Variants in LYZL6 observed in about 807,000 individuals in gnomAD.
LYZL6 encodes the protein lysozyme like 6, also known as lysozyme-like protein 6.
Under a neutral mutation model 15.0 loss-of-function variants are expected in LYZL6, and 21 were observed. That is an observed-to-expected ratio of 1.40 (90% CI 1.00 to 2.02). The LOEUF (loss-of-function observed/expected upper bound fraction) is 2.02. Among genes scored for constraint, LYZL6 ranks in the 30% most tolerant of loss-of-function variants. The pLI is 0.00. For missense variants in LYZL6, 173 were observed against 180.5 expected, an observed-to-expected ratio of 0.96 and a Z score of 0.24; for synonymous variants, 72 against 67.8, an observed-to-expected ratio of 1.06 and a Z score of -0.31.
rs1785725126 is a variant in LYZL6 at position 35,934,535 on chromosome 17, T to C, written c.*261A>G. The stretch of plus-strand genomic sequence containing the variant: ...ACACAGTCTTTGCAGAGCGAGTGCT[T>C]TAATATTTCGATAAATATAAAGATT... On this transcript the variant is annotated 3_prime_UTR_variant, in exon 5 of 5. Transcript: ENST00000615905. 2.1e-6 allele frequency: 1 copy of C among 484,730 alleles called. No individual in the cohort carries two copies. The allele number at this position is 484,730 out of a possible 1,614,324, so 30.0% of individuals were successfully genotyped here.
At chr17:35,941,456 G>T (rs11080365) in intron 1 of LYZL6, among the ~76,000 whole-genome samples, 16,169 of 151,856 alleles carry the variant, frequency 0.11, 994 homozygotes, top group East Asian at 0.26. Context: ...CTTTCTTGGT[G>T]GTGTTCTTTG....
intron 1 of LYZL6, among the ~76,000 whole-genome samples, chr17:35,941,426 AT>A (rs934186247): frequency 6.6e-6 from 1 of 151,404 alleles, no homozygotes; most frequent in African/African-American, 2.4e-5. Context: ...TTTTTTTCCC[AT>A]TCTGTGGGTT....
intron 1 of LYZL6, among the ~76,000 whole-genome samples, chr17:35,939,778 G>A (rs1015496244): frequency 1.2e-4 from 19 of 152,244 alleles, no homozygotes; most frequent in Admixed American, 6.5e-5. Flanking sequence ...GATTACAGGT[G>A]TGAGCCACCA....
intron 4 of LYZL6, 22 bp from the exon 5 acceptor site, chr17:35,934,887 T>C (rs774615744): frequency 1.2e-6 from 2 of 1,613,334 alleles, no homozygotes; most frequent in Admixed American, 1.7e-5. Flanking sequence ...AAAGACATGG[T>C]TCTTGCCTCA....
intron 2 of LYZL6, among the ~76,000 whole-genome samples, chr17:35,938,527 A>T (rs1249104841): frequency 6.6e-6 from 1 of 151,196 alleles, no homozygotes; most frequent in Non-Finnish European, 1.5e-5. Flanking sequence ...CTGAGGCAGG[A>T]GAATGGTGTG....
At position 35,939,573 on chromosome 17, in the gene LYZL6, A is replaced by G. The variant is rs1014920315; in HGVS notation, c.-202-15T>C. The G allele has an allele frequency of 6.7e-5, 28 of 420,048 alleles. No homozygotes were observed. The highest frequency in any genetic ancestry group is 3.4e-4 in the Admixed American group (9 of 26,572). 26.0% of individuals were successfully genotyped at this position (420,048 alleles called of 1,614,324 possible). On this transcript the variant is annotated splice_polypyrimidine_tract_variant and intron_variant, in intron 1 of 4. Transcript: ENST00000615905. ...GAAAATTAAACCTTTAAAAAAGGAA[A>G]GAGAATAGTATCATGAACCTCCATA... is the stretch of plus-strand genomic sequence containing the variant.
rs2089376593 is a variant in LYZL6, at chr17:35,936,747, C to T, written c.377+8G>A. ...TCTGCCCGCTGAGTCCCACCGTGTC[C>T]TCCTCACCAGTTGTTCATCCCCCGT... On this transcript the variant is annotated splice_region_variant and intron_variant, in intron 4 of 4. Transcript: ENST00000615905. The T allele has an allele frequency of 4.3e-6, 7 of 1,612,796 alleles. No homozygotes were observed. The highest frequency in any genetic ancestry group is 5.9e-6 in the Non-Finnish European group (7 of 1,179,696).
At chr17:35,937,202 C>G (rs576958300) in intron 3 of LYZL6, among the ~76,000 whole-genome samples, 2 of 152,306 alleles carry the variant, frequency 1.3e-5, no homozygotes, top group East Asian at 3.9e-4. Context: ...CGAGGGACAT[C>G]GGTCAGTGTG....
chr17:35,938,348 G>A (rs753122360), intron 2 of LYZL6, among the ~76,000 whole-genome samples: 3 of 152,098 alleles, frequency 2.0e-5, no homozygotes, highest in African/African-American at 2.4e-5. Flanking sequence ...TGCCGGGCGC[G>A]GTGGCTTATG....
At chr17:35,939,047 A>C (rs966027778) in intron 2 of LYZL6, among the ~76,000 whole-genome samples, 171 bp downstream of exon 2, 8 of 152,230 alleles carry the variant, frequency 5.3e-5, no homozygotes, top group Non-Finnish European at 1.0e-4. Flanking sequence ...TTGGTACATA[A>C]TAAGTGCTCA....
At chr17:35,936,620 C>T in intron 4 of LYZL6, 135 bp downstream of exon 4, 1 of 696,846 alleles carries the variant, frequency 1.4e-6, no homozygotes, top group Non-Finnish European at 2.5e-6. Context: ...TCTCAGAGTT[C>T]CAAGCCCGTC....
At chr17:35,941,118 T>G (rs1186483430) in intron 1 of LYZL6, among the ~76,000 whole-genome samples, 1 of 152,210 alleles carries the variant, frequency 6.6e-6, no homozygotes, top group African/African-American at 2.4e-5. Context: ...CCATCAGCAG[T>G]GTATGAAGGT....
At position 35,940,899 on chromosome 17, in the gene LYZL6, C is replaced by T. The variant is rs115463027; in HGVS notation, c.-202-1341G>A. Among the ~76,000 whole-genome samples, 272 of 152,306 alleles carry T rather than the reference C, an allele frequency of 1.8e-3. 2 individuals carry two copies. The highest frequency in any genetic ancestry group is 6.4e-3 in the African/African-American group (264 of 41,566). On this transcript the variant is annotated intron_variant, in intron 1 of 4. Transcript: ENST00000615905. ...TTCATTGTATGAATACACCATACTT[C>T]GTCTATCCATTCATTAGTTGATGGA...
At position 35,939,473 on chromosome 17, in the gene LYZL6, CA is replaced by C; in HGVS notation, c.-118del. The C allele has an allele frequency of 1.1e-6, 1 of 928,240 alleles. No homozygotes were observed. The highest frequency in any genetic ancestry group is 1.6e-6 in the Non-Finnish European group (1 of 607,840). The allele number at this position is 928,240 out of a possible 1,614,324, so 57.5% of individuals were successfully genotyped here. On this transcript the variant is annotated 5_prime_UTR_variant, in exon 2 of 5. Coordinates refer to ENST00000615905, the MANE Select transcript of LYZL6 (RefSeq NM_020426.4). The stretch of plus-strand genomic sequence containing the variant: ...GAGAGGGCAGCCAGGTTTCCTTACT[CA>C]CTCACTGCTCCAACCTGGCTGTTTC...
In LYZL6 at chr17:35,939,229, G is replaced by A. The variant is rs371856262; in HGVS notation, c.128C>T (p.Ser43Phe). The change falls in exon 2 of 5, where the codon TCC becomes TTC. Residue 43 changes from serine (S) to phenylalanine (F), a missense_variant. Ser to Phe is a radical substitution (Grantham distance 155). Transcript: ENST00000615905. ...LEDLDGFEGY[S>F]LSDWLCLAFV... is the part of the protein sequence containing the mutation. ...CGGATGGTACTCACAGTCACTCAGG[G>A]AGTAACCCTCAAACCCATCCAAGTC... The A allele has an allele frequency of 3.1e-6, 5 of 1,613,790 alleles. No individual in the cohort carries two copies. Among genetic ancestry groups the A allele is most frequent in the South Asian group, 1.1e-5 (1 of 91,052 alleles).
intron 1 of LYZL6, among the ~76,000 whole-genome samples, chr17:35,940,094 A>ATG (rs1479961599): frequency 6.6e-6 from 1 of 151,886 alleles, no homozygotes; most frequent in Non-Finnish European, 1.5e-5. Flanking sequence ...CACATTGTGT[A>ATG]TGTGTGTGTG....
At chr17:35,939,184 G>A (rs1036678693) in intron 2 of LYZL6, 34 bp downstream of exon 2, 1 of 1,603,320 alleles carries the variant, frequency 6.2e-7, no homozygotes, top group Admixed American at 1.7e-5. Flanking sequence ...ACTAGCAGAG[G>A]AGAAATGGCT....
Position 35,935,011 on chromosome 17 carries a change from C to G in LYZL6, c.378-146G>C. ...GCCCTCTGGTCTGTCCTCCACTGTC[C>G]CCTCTGACGAATCCTGTAAAACTCT... On this transcript the variant is annotated intron_variant, in intron 4 of 4. Transcript: ENST00000615905. The G allele has an allele frequency of 4.6e-6, 3 of 654,666 alleles. No individual in the cohort carries two copies. In the South Asian group the frequency reaches 5.9e-5, roughly 13 times the overall value. The allele number at this position is 654,666 out of a possible 1,614,324, so 40.6% of individuals were successfully genotyped here.
At chr17:35,937,975 G>A in intron 2 of LYZL6, 59 bp from the exon 3 acceptor site, 1 of 1,549,574 alleles carries the variant, frequency 6.5e-7, no homozygotes, top group Non-Finnish European at 8.8e-7. Flanking sequence ...TGAGAAGGGA[G>A]ATGGAGGAGA....
Sources: allele counts gnomAD v4.1 joint callset (sites outside exome capture counted in the v4.1 genomes callset), GRCh38; gene constraint gnomAD v4.1.1; transcripts MANE v1.5; gene names NCBI Gene and HGNC (gene_info 2026-07-23, HGNC 2026-07-21).